The following CALN1 variants were observed in gnomAD, a reference collection of about 807,000 sequenced individuals.
The protein encoded by CALN1 is calcium-binding protein 8.
A neutral mutation model predicts 30.6 loss-of-function variants in CALN1; 17 were observed. The ratio of observed to expected loss-of-function variants is 0.56; its 90% confidence interval spans 0.38 to 0.83. CALN1 has a LOEUF of 0.83. Among genes scored for constraint, CALN1 ranks in the 40% least tolerant of loss-of-function variants. CALN1 has a pLI of 0.00. For synonymous variants in CALN1, 156 were observed against 131.4 expected (o/e 1.19, Z -1.28); for missense variants, 291 against 354.9 (o/e 0.82, Z 1.45).
At chr7:72,222,133 G>T (rs1356137872) in intron 3 of CALN1, among the ~76,000 whole-genome samples, 2 of 151,976 alleles carry the variant, frequency 1.3e-5, no homozygotes, top group Non-Finnish European at 2.9e-5. Flanking sequence ...GGCTGAGGCA[G>T]GAGCATCGCT....
chr7:72,205,551 A>AATATAT (rs1554319583), intron 3 of CALN1, among the ~76,000 whole-genome samples: 18 of 83,050 alleles, frequency 2.2e-4, no homozygotes, highest in East Asian at 8.7e-4. Flanking sequence ...GCAAAAAAAA[A>AATATAT]ATATATATAT....
At chr7:72,401,662 C>T (rs559175697) in intron 2 of CALN1, among the ~76,000 whole-genome samples, 2 of 152,144 alleles carry the variant, frequency 1.3e-5, no homozygotes, top group Non-Finnish European at 2.9e-5. Flanking sequence ...GCCTAATTCA[C>T]GCTGCTCGCA....
chr7:72,386,659 G>C (rs773910560), intron 2 of CALN1, among the ~76,000 whole-genome samples: 1 of 151,954 alleles, frequency 6.6e-6, no homozygotes, highest in African/African-American at 2.4e-5. Context: ...TTTTAGAGAT[G>C]GGTTATCACT....
At chr7:72,208,240 T>C (rs966633402) in intron 3 of CALN1, among the ~76,000 whole-genome samples, 1 of 152,230 alleles carries the variant, frequency 6.6e-6, no homozygotes, top group African/African-American at 2.4e-5. Flanking sequence ...CACCTGGTTT[T>C]ATGATATTCT....
rs113152960 is a variant in CALN1 at position 72,206,952 on chromosome 7, C to A, written c.244+71734G>T. 6.0e-3 allele frequency among the ~76,000 whole-genome samples: 917 copies of A among 152,282 alleles called. 10 individuals carry two copies. The highest frequency in any genetic ancestry group is 0.019 in the African/African-American group (775 of 41,546). ...TTTATAAGAACCAAAGACTAGTAATCTTCCCAAATATAGACATTATCTGTC... is the reference window on the plus strand; with the variant it reads ...TTTATAAGAACCAAAGACTAGTAATATTCCCAAATATAGACATTATCTGTC... On this transcript the variant is annotated intron_variant, in intron 3 of 6. Coordinates refer to ENST00000395275, the MANE Select transcript of CALN1 (RefSeq NM_031468.4).
In CALN1 at chr7:71,806,306, C is replaced by CTT. The variant is rs774646277; in HGVS notation, c.658+4028_658+4029dup. On this transcript the variant is annotated intron_variant, in intron 6 of 6. Coordinates refer to ENST00000395275, the MANE Select transcript of CALN1 (RefSeq NM_031468.4). ...CACACATGATTATAGTTTCCCCCTCCTTTTTTTTTTTTTTTTGAGATGGAG... is the reference window on the plus strand; with the variant it reads ...CACACATGATTATAGTTTCCCCCTCCTTTTTTTTTTTTTTTTTTGAGATGGAG... Among the ~76,000 whole-genome samples the CTT allele has an allele frequency of 6.5e-3, 893 of 136,684 alleles. 15 individuals carry two copies. The highest frequency in any genetic ancestry group is 0.022 in the African/African-American group (792 of 35,436). 89.7% of individuals were successfully genotyped at this position (136,684 alleles called of 152,430 possible).
At chr7:71,855,301 T>C (rs1790879612) in intron 5 of CALN1, among the ~76,000 whole-genome samples, 1 of 152,182 alleles carries the variant, frequency 6.6e-6, no homozygotes, top group African/African-American at 2.4e-5. Flanking sequence ...GGAGTCCGTG[T>C]TTCATGAAGC....
In CALN1 at chr7:72,183,040, TTTTG is replaced by T. The variant is rs1789931214; in HGVS notation, c.245-76750_245-76747del. Among the ~76,000 whole-genome samples, 6 of 152,222 alleles carry T rather than the reference TTTTG, an allele frequency of 3.9e-5. No individual in the cohort carries two copies. In the South Asian group the frequency reaches 1.2e-3, roughly 32 times the overall value. ...TAATATGGTCAGCTCTATGGGGCTT[TTTTG>T]TTTGTTTTTGGGGTGTTTGTTGTTT... On this transcript the variant is annotated intron_variant, in intron 3 of 6. Coordinates refer to ENST00000395275, the MANE Select transcript of CALN1 (RefSeq NM_031468.4).
intron 3 of CALN1, among the ~76,000 whole-genome samples, chr7:72,230,514 A>C (rs2129550555): frequency 6.6e-6 from 1 of 151,976 alleles, no homozygotes; most frequent in African/African-American, 2.4e-5. Context: ...TCTTGAGAAA[A>C]AAAAAAAAAG....
chr7:72,297,587 A>T lies in CALN1; in HGVS notation c.120-18777T>A, dbSNP rs191458289. Among the ~76,000 whole-genome samples, 253 of 152,362 alleles carry T rather than the reference A, an allele frequency of 1.7e-3. 2 individuals are homozygous for T. Among genetic ancestry groups the T allele is most frequent in the African/African-American group, 5.7e-3 (238 of 41,596 alleles). Reference sequence around the variant, plus strand: ...AGATGATTTAATATTATTCACACTTATTGAAAACCTTGACATAACACTTTG... The same window carrying T: ...AGATGATTTAATATTATTCACACTTTTTGAAAACCTTGACATAACACTTTG... On this transcript the variant is annotated intron_variant, in intron 2 of 6. Coordinates refer to ENST00000395275, the MANE Select transcript of CALN1 (RefSeq NM_031468.4).
At chr7:72,392,877 C>A (rs143613479) in intron 2 of CALN1, among the ~76,000 whole-genome samples, 1 of 152,166 alleles carries the variant, frequency 6.6e-6, no homozygotes, top group East Asian at 1.9e-4. Flanking sequence ...CATGTACCTG[C>A]TGTCCCAGCT....
chr7:72,331,245 G>T (rs1801653568), intron 2 of CALN1, among the ~76,000 whole-genome samples: 1 of 152,110 alleles, frequency 6.6e-6, no homozygotes, highest in Non-Finnish European at 1.5e-5. Context: ...AGCTACTCAA[G>T]AGGCGGGGGC....
the CALN1 span, among the ~76,000 whole-genome samples, chr7:72,483,954 C>T: frequency 5.1e-4 from 77 of 152,108 alleles, no homozygotes; most frequent in African/African-American, 1.8e-3. Context: ...GAGACAGAGT[C>T]TCGCCCTGTT....
chr7:72,397,764 A>G (rs1806075322), intron 2 of CALN1, among the ~76,000 whole-genome samples: 1 of 132,972 alleles, frequency 7.5e-6, no homozygotes, highest in African/African-American at 3.0e-5. Context: ...TGCTCCAACC[A>G]AAGTGGGTCC....
At chr7:72,338,370 TGCTGCTCTAA>T (rs1802197724) in intron 2 of CALN1, among the ~76,000 whole-genome samples, 1 of 152,148 alleles carries the variant, frequency 6.6e-6, no homozygotes, top group African/African-American at 2.4e-5. Context: ...AAGCAGGCAA[TGCTGCTCTAA>T]GCCTCTCATG....
At chr7:72,445,100 ACACAC>A (rs1211200527) in intron 1 of CALN1, among the ~76,000 whole-genome samples, 17 of 139,530 alleles carry the variant, frequency 1.2e-4, no homozygotes, top group African/African-American at 4.3e-4. Flanking sequence ...ACACACACAC[ACACAC>A]AACATTAAGT....
intron 5 of CALN1, among the ~76,000 whole-genome samples, chr7:71,825,452 T>G (rs1049977782): frequency 1.3e-5 from 2 of 152,196 alleles, no homozygotes; most frequent in Non-Finnish European, 2.9e-5. Context: ...TATCATCGTA[T>G]TAGTCCGTTT....
intron 2 of CALN1, among the ~76,000 whole-genome samples, chr7:72,305,504 T>C (rs573449726): frequency 2.2e-4 from 34 of 152,220 alleles, no homozygotes; most frequent in Non-Finnish European, 4.7e-4. Flanking sequence ...CATACACTTC[T>C]AGCTGCTCAG....
At position 72,322,565 on chromosome 7, in the gene CALN1, G is replaced by A. The variant is rs74591486; in HGVS notation, c.120-43755C>T. Among the ~76,000 whole-genome samples the A allele has an allele frequency of 6.4e-3, 973 of 152,202 alleles. 10 individuals carry two copies. Among genetic ancestry groups the A allele is most frequent in the South Asian group, 0.032 (156 of 4,818 alleles). ...GAGTGAAATAAACCAGGCACAGAAA[G>A]ACAAACTTTGCATGTTCCCACCTAT... On this transcript the variant is annotated intron_variant, in intron 2 of 6. Coordinates refer to ENST00000395275, the MANE Select transcript of CALN1 (RefSeq NM_031468.4).
Sources: gnomAD v4.1 joint callset for allele counts (sites outside exome capture counted in the v4.1 genomes callset) on GRCh38, gnomAD v4.1.1 for gene constraint, MANE v1.5 for transcripts, NCBI Gene and HGNC (gene_info 2026-07-23, HGNC 2026-07-21) for gene names.